AP3B1: variants seen among roughly 807,000 people sequenced by gnomAD.
The protein encoded by AP3B1 is adaptor related protein complex 3 subunit beta 1, also known as AP-3 complex subunit beta-1.
Under a neutral mutation model 132.5 loss-of-function variants are expected in AP3B1, and 61 were observed. That is an observed-to-expected ratio of 0.46 (90% confidence interval 0.37 to 0.57). The LOEUF (loss-of-function observed/expected upper bound fraction) is 0.57, where lower values mean the gene tolerates loss of function less well. Ranked by LOEUF, AP3B1 falls within the 20% of genes least tolerant of loss-of-function variation. The pLI is 0.00. For synonymous variants in AP3B1, 388 were observed against 438.3 expected (o/e 0.89, Z 1.43); for missense variants, 1,120 against 1,289.4 (o/e 0.87, Z 2.01).
At chr5:78,238,216 T>G (rs1746964209) in intron 3 of AP3B1, among the ~76,000 whole-genome samples, 1 of 152,152 alleles carries the variant, frequency 6.6e-6, no homozygotes, top group Non-Finnish European at 1.5e-5. Flanking sequence ...ACAAGAGGGA[T>G]CTAGGCTGCG....
chr5:78,149,546 C>A (rs1416799663), intron 14 of AP3B1, among the ~76,000 whole-genome samples: 3 of 152,058 alleles, frequency 2.0e-5, no homozygotes, highest in Non-Finnish European at 2.9e-5. Context: ...TCAAAAAACA[C>A]TCAATATTCC....
chr5:78,022,521 G>A (rs1376683303), intron 24 of AP3B1, among the ~76,000 whole-genome samples: 2 of 152,142 alleles, frequency 1.3e-5, no homozygotes, highest in Non-Finnish European at 2.9e-5. Flanking sequence ...CCCAGTTTAT[G>A]GCTGTTGTTG....
chr5:78,097,176 C>A (rs1338214993), intron 21 of AP3B1, among the ~76,000 whole-genome samples: 1 of 134,100 alleles, frequency 7.5e-6, no homozygotes, highest in African/African-American at 3.1e-5. Context: ...TGCCCAGCTG[C>A]CCCTACTGGG....
At chr5:78,120,541 T>A (rs1450704704) in intron 17 of AP3B1, among the ~76,000 whole-genome samples, 12 of 151,992 alleles carry the variant, frequency 7.9e-5, no homozygotes, top group African/African-American at 2.9e-4. Context: ...GGGGTTGCAA[T>A]CCTAGTCTCA....
chr5:78,211,136 C>A (rs944128475), intron 7 of AP3B1, among the ~76,000 whole-genome samples: 1 of 152,084 alleles, frequency 6.6e-6, no homozygotes, highest in South Asian at 2.1e-4. Context: ...AAATGTCGTG[C>A]CCTATAAATA....
rs1052242855 is a variant in AP3B1, at chr5:78,181,718, T to C, written c.787-56A>G. 2.7e-6 allele frequency: 4 copies of C among 1,508,616 alleles called. No individual in the cohort carries two copies. The South Asian group carries it at 3.6e-5, about 14-fold the overall frequency. 93.5% of individuals were successfully genotyped at this position (1,508,616 alleles called of 1,614,324 possible). A position where few individuals can be genotyped will look rare whatever the true frequency, so the allele number is the denominator to read the frequency against. On this transcript the variant is annotated intron_variant, in intron 7 of 26. Coordinates refer to ENST00000255194, the MANE Select transcript of AP3B1 (RefSeq NM_003664.5). ...CTTTAGACCTTGAGCAATCTGCATA[T>C]TATATAGTCAAAGAAAACTTTCCTT...
At chr5:78,236,502 A>G (rs1182170858) in intron 3 of AP3B1, among the ~76,000 whole-genome samples, 13 of 152,344 alleles carry the variant, frequency 8.5e-5, no homozygotes, top group African/African-American at 3.1e-4. Context: ...TGGGTTCTGA[A>G]GTCAAGCAAC....
At chr5:78,070,533 C>G (rs1284913277) in intron 22 of AP3B1, among the ~76,000 whole-genome samples, 5 of 151,396 alleles carry the variant, frequency 3.3e-5, no homozygotes, top group Admixed American at 2.6e-4. Flanking sequence ...TCAAAAGCAA[C>G]TACAACAAAA....
rs202225957 is a variant in AP3B1, at chr5:78,128,188, T to C, written c.1838-28A>G. On this transcript the variant is annotated intron_variant, in intron 16 of 26. Coordinates refer to ENST00000255194, the MANE Select transcript of AP3B1 (RefSeq NM_003664.5). ...ATTAAAAATAGGGAAAAATATAAAA[T>C]AAACAATATGAGCTGTATATAACAG... The C allele has an allele frequency of 2.7e-4, 413 of 1,544,840 alleles. No individual in the cohort carries two copies. The African/African-American group carries it at 5.2e-3, about 20-fold the overall frequency.
At chr5:78,152,572 TCTA>T (rs1333557721) in intron 14 of AP3B1, among the ~76,000 whole-genome samples, 21 of 152,204 alleles carry the variant, frequency 1.4e-4, no homozygotes, top group Non-Finnish European at 3.1e-4. Context: ...TTTTATTTCT[TCTA>T]CTAATTATGG....
chr5:78,120,097 C>G (rs252769), intron 17 of AP3B1, among the ~76,000 whole-genome samples: 56 of 151,926 alleles, frequency 3.7e-4, no homozygotes, highest in African/African-American at 1.3e-3. Flanking sequence ...ACTAAGCTTC[C>G]TAAGTGAAGG....
chr5:78,293,193 A>C (rs919466124), intron 1 of AP3B1, among the ~76,000 whole-genome samples: 19 of 152,210 alleles, frequency 1.2e-4, no homozygotes, highest in Admixed American at 2.6e-4. Context: ...ATCTGACAAA[A>C]ATCTAAGAGA....
intron 2 of AP3B1, among the ~76,000 whole-genome samples, chr5:78,261,390 T>C (rs574924575): frequency 3.2e-4 from 49 of 152,340 alleles, no homozygotes; most frequent in African/African-American, 1.2e-3. Flanking sequence ...TTATTTGCCA[T>C]CTATATATCT....
intron 18 of AP3B1, among the ~76,000 whole-genome samples, chr5:78,115,471 C>T (rs1217955660): frequency 6.6e-6 from 1 of 152,066 alleles, no homozygotes; most frequent in African/African-American, 2.4e-5. Flanking sequence ...AAATCACTCA[C>T]AGAATTTTAG....
At chr5:78,115,885 T>C (rs1325474033) in intron 18 of AP3B1, 2 of 474,564 alleles carry the variant, frequency 4.2e-6, no homozygotes, top group African/African-American at 3.9e-5. Context: ...TATGAGTTCC[T>C]GTTTCAGCTA....
intron 22 of AP3B1, among the ~76,000 whole-genome samples, chr5:78,084,715 T>A (rs1309990529): frequency 1.3e-5 from 2 of 151,916 alleles, no homozygotes; most frequent in African/African-American, 4.8e-5. Context: ...TGGAAAATAT[T>A]TAAAAATATG....
At chr5:78,010,703 A>G (rs899952361) in intron 26 of AP3B1, among the ~76,000 whole-genome samples, 6 of 152,068 alleles carry the variant, frequency 3.9e-5, no homozygotes, top group Non-Finnish European at 8.8e-5. Context: ...TAACGCCTCT[A>G]ATCTCCTACC....
At position 78,004,530 on chromosome 5, in the gene AP3B1, T is replaced by A. The variant is rs373977583; in HGVS notation, c.3132-1475A>T. Among the ~76,000 whole-genome samples, 182 of 152,314 alleles carry A rather than the reference T, an allele frequency of 1.2e-3. 1 individual carries two copies. The highest frequency in any genetic ancestry group is 4.3e-3 in the African/African-American group (178 of 41,574). ...AGATCTCATAACACATTAATTTTTT[T>A]AAAACCAAACAAGCCATTTTTGGAC... On this transcript the variant is annotated intron_variant, in intron 26 of 26. Transcript: ENST00000255194.
chr5:78,124,587 A>G (rs1209015164), intron 17 of AP3B1, among the ~76,000 whole-genome samples: 1 of 152,174 alleles, frequency 6.6e-6, no homozygotes, highest in Non-Finnish European at 1.5e-5. Flanking sequence ...AAAAATAAAT[A>G]AAAGCAAATA....
Sources: allele counts gnomAD v4.1 joint callset (sites outside exome capture counted in the v4.1 genomes callset), GRCh38; gene constraint gnomAD v4.1.1; transcripts MANE v1.5; gene names NCBI Gene and HGNC (gene_info 2026-07-23, HGNC 2026-07-21).